CTDSPL: variants seen among roughly 807,000 people sequenced by gnomAD.
CTDSPL encodes CTD small phosphatase like, also known as CTD small phosphatase-like protein.
CTDSPL carries 8 observed loss-of-function variants against 30.5 expected under a neutral mutation model. That is an observed-to-expected ratio of 0.26 (90% confidence interval 0.15 to 0.47). The LOEUF is 0.47. Ranked by LOEUF, CTDSPL falls within the 20% of genes least tolerant of loss-of-function variation. The pLI, the probability that CTDSPL is intolerant of heterozygous loss-of-function variation, is 0.99. For missense variants in CTDSPL, 248 were observed against 366.1 expected, an observed-to-expected ratio of 0.68 and a Z score of 2.63; for synonymous variants, 110 against 137.9, an observed-to-expected ratio of 0.80 and a Z score of 1.42.
intron 1 of CTDSPL, among the ~76,000 whole-genome samples, chr3:37,925,695 C>G (rs903759987): frequency 6.6e-6 from 1 of 152,168 alleles, no homozygotes; most frequent in African/African-American, 2.4e-5. Flanking sequence ...GGGAACAGAG[C>G]AGATAAGCAG....
intron 6 of CTDSPL, among the ~76,000 whole-genome samples, chr3:37,972,235 GC>G (rs1575324389): frequency 6.6e-6 from 1 of 152,312 alleles, no homozygotes; most frequent in East Asian, 1.9e-4. Context: ...GGTTGCTCAT[GC>G]CTGTAATCCC....
At chr3:37,888,896 C>T (rs930135602) in intron 1 of CTDSPL, among the ~76,000 whole-genome samples, 4 of 152,218 alleles carry the variant, frequency 2.6e-5, no homozygotes, top group Non-Finnish European at 5.9e-5. Context: ...TTGGCTCTGC[C>T]TCAGCACTTG....
intron 1 of CTDSPL, among the ~76,000 whole-genome samples, chr3:37,918,210 C>G (rs2125608870): frequency 1.3e-5 from 2 of 152,266 alleles, no homozygotes; most frequent in Middle Eastern, 3.4e-3. Flanking sequence ...AACCAGCCAA[C>G]TCTGATATTG....
At chr3:37,872,826 G>C (rs983651421) in intron 1 of CTDSPL, among the ~76,000 whole-genome samples, 1 of 152,052 alleles carries the variant, frequency 6.6e-6, no homozygotes, top group African/African-American at 2.4e-5. Flanking sequence ...GCCCGCCCTG[G>C]CCTCCCAAAG....
In CTDSPL at chr3:37,879,892, G is replaced by A. The variant is rs140222043; in HGVS notation, c.79+17614G>A. On this transcript the variant is annotated intron_variant, in intron 1 of 7. Coordinates refer to ENST00000273179, the MANE Select transcript of CTDSPL (RefSeq NM_001008392.2). ...CATATATAGTACAAAGTATATGAGC[G>A]TTTAATAAACATTAATTATTATTAA... Among the ~76,000 whole-genome samples the A allele has an allele frequency of 9.5e-3, 1,442 of 151,670 alleles. 30 individuals are homozygous for A. The highest frequency in any genetic ancestry group is 0.077 in the South Asian group (369 of 4,802).
chr3:37,941,442 G>A lies in CTDSPL; in HGVS notation c.80-5615G>A, dbSNP rs1349646073. 1.4e-5 allele frequency among the ~76,000 whole-genome samples: 2 copies of A among 145,682 alleles called. 1 individual carries two copies. The highest frequency in any genetic ancestry group is 3.1e-5 in the Non-Finnish European group (2 of 65,458). On this transcript the variant is annotated intron_variant, in intron 1 of 7. Transcript: ENST00000273179. ...TTCTTTTTTTTTTTTTTGAGACAGA[G>A]TCTCACCCTGTCACCCAGGCTGGAG...
In CTDSPL at chr3:37,971,422, C is replaced by T. The variant is rs1456114979; in HGVS notation, c.442C>T (p.Arg148Trp). Residue 148 changes from arginine (R) to tryptophan (W), a missense_variant, in exon 6 of 8, where the codon CGG (arginine) becomes TGG (tryptophan). By Grantham distance (101) the Arg-to-Trp change is moderately radical. Around this residue, in one of 4 missense-constraint regions of CTDSPL, gnomAD observed 45 missense variants for 83.1 expected, o/e 0.54. Transcript: ENST00000273179. Reference sequence around the variant, plus strand: ...GCCATTGCAGGTGTATGTGCTGAAGCGGCCACATGTGGACGAGTTCCTCCA... The same window carrying T: ...GCCATTGCAGGTGTATGTGCTGAAGTGGCCACATGTGGACGAGTTCCTCCA... Reference protein sequence around the residue: ...GTIHQVYVLKRPHVDEFLQRM... With the variant: ...GTIHQVYVLKWPHVDEFLQRM... 1 of 1,614,072 alleles carries T rather than the reference C, an allele frequency of 6.2e-7. No individual in the cohort carries two copies. Among genetic ancestry groups the T allele is most frequent in the Admixed American group, 1.7e-5 (1 of 60,008 alleles).
intron 1 of CTDSPL, among the ~76,000 whole-genome samples, chr3:37,865,360 A>G (rs1202260203): frequency 6.6e-6 from 1 of 152,224 alleles, no homozygotes; most frequent in Non-Finnish European, 1.5e-5. Flanking sequence ...CAATAAATAT[A>G]TGAAATTGTG....
intron 1 of CTDSPL, among the ~76,000 whole-genome samples, chr3:37,942,150 C>A (rs1478137127): frequency 1.3e-5 from 2 of 150,170 alleles, no homozygotes; most frequent in Admixed American, 6.7e-5. Flanking sequence ...AAAATCACTT[C>A]CTGAGATTTT....
At chr3:37,953,094 G>GA (rs1699128320) in intron 2 of CTDSPL, among the ~76,000 whole-genome samples, 1 of 151,978 alleles carries the variant, frequency 6.6e-6, no homozygotes, top group Non-Finnish European at 1.5e-5. Flanking sequence ...GTAATCAATA[G>GA]AAAAAATATT....
intron 1 of CTDSPL, among the ~76,000 whole-genome samples, chr3:37,927,805 A>C (rs749099916): frequency 3.3e-5 from 5 of 151,256 alleles, no homozygotes; most frequent in Non-Finnish European, 7.4e-5. Context: ...TTTTTATTTC[A>C]TTGACTGAAA....
chr3:37,906,389 C>G (rs537030455), intron 1 of CTDSPL, among the ~76,000 whole-genome samples: 1 of 152,214 alleles, frequency 6.6e-6, no homozygotes, highest in Non-Finnish European at 1.5e-5. Context: ...CAGACCACTG[C>G]ACTTCGGTCC....
intron 1 of CTDSPL, among the ~76,000 whole-genome samples, chr3:37,875,730 C>T (rs2125590112): frequency 6.6e-6 from 1 of 152,260 alleles, no homozygotes; most frequent in African/African-American, 2.4e-5. Context: ...CAGTTAGAGT[C>T]ATATTTTATT....
intron 1 of CTDSPL, among the ~76,000 whole-genome samples, chr3:37,934,315 G>T (rs36087346): frequency 0.12 from 17,820 of 150,894 alleles, 1,126 homozygotes; most frequent in Middle Eastern, 0.16. Flanking sequence ...AACAGAGCGA[G>T]ACCCTCTCTC....
intron 1 of CTDSPL, among the ~76,000 whole-genome samples, chr3:37,890,631 C>T (rs1195401617): frequency 6.6e-6 from 1 of 152,112 alleles, no homozygotes; most frequent in Non-Finnish European, 1.5e-5. Context: ...AAACCAGTAT[C>T]ATCCAAGAAG....
intron 1 of CTDSPL, among the ~76,000 whole-genome samples, chr3:37,864,841 T>C (rs1257870801): frequency 6.6e-6 from 1 of 152,146 alleles, no homozygotes; most frequent in African/African-American, 2.4e-5. Context: ...ATATTTAAGT[T>C]TTATAATAGG....
chr3:37,916,375 A>G (rs552796965), intron 1 of CTDSPL, among the ~76,000 whole-genome samples: 69 of 152,262 alleles, frequency 4.5e-4, no homozygotes, highest in African/African-American at 1.5e-3. Flanking sequence ...TTGTCCTCCA[A>G]AAAGATATGT....
chr3:37,925,475 T>C (rs921682577), intron 1 of CTDSPL, among the ~76,000 whole-genome samples: 1 of 152,144 alleles, frequency 6.6e-6, no homozygotes, highest in Non-Finnish European at 1.5e-5. Flanking sequence ...TTGGAGGCTG[T>C]GGGGCCTGCA....
chr3:37,937,139 A>G (rs1559638618), intron 1 of CTDSPL, among the ~76,000 whole-genome samples: 1 of 150,424 alleles, frequency 6.6e-6, no homozygotes, highest in Non-Finnish European at 1.5e-5. Context: ...GTGAGTACTC[A>G]CAGCCAAGGA....
Sources: allele counts gnomAD v4.1 joint callset (sites outside exome capture counted in the v4.1 genomes callset), GRCh38; gene constraint gnomAD v4.1.1; regional missense constraint gnomAD v4.1.1; transcripts MANE v1.5; gene names NCBI Gene and HGNC (gene_info 2026-07-23, HGNC 2026-07-21).